ERBB4: variants seen among roughly 807,000 people sequenced by gnomAD.
The protein encoded by ERBB4 is erb-b2 receptor tyrosine kinase 4.
ERBB4 carries 42 observed loss-of-function variants against 158.0 expected under a neutral mutation model. The observed-to-expected ratio is 0.27, with a 90% CI of 0.21 to 0.34. The LOEUF (loss-of-function observed/expected upper bound fraction) is 0.34, where lower values mean the gene tolerates loss of function less well. Among genes scored for constraint, ERBB4 ranks in the 10% least tolerant of loss-of-function variants. The pLI is 1.00. For missense variants in ERBB4, 1,333 were observed against 1,624.1 expected, an observed-to-expected ratio of 0.82 and a Z score of 3.08; for synonymous variants, 583 against 558.7, an observed-to-expected ratio of 1.04 and a Z score of -0.61.
intron 1 of ERBB4, among the ~76,000 whole-genome samples, chr2:212,520,761 C>CA (rs2106313584): frequency 6.6e-6 from 1 of 151,956 alleles, no homozygotes; most frequent in East Asian, 1.9e-4. Context: ...GAGGTTGTTG[C>CA]AAAAAAGCAA....
intron 9 of ERBB4, among the ~76,000 whole-genome samples, chr2:211,706,287 C>G (rs531963002): frequency 6.6e-6 from 1 of 152,228 alleles, no homozygotes; most frequent in South Asian, 2.1e-4. Context: ...CTGTGGACAT[C>G]TCTTCTTTTA....
At chr2:212,002,107 C>T (rs2076119281) in intron 2 of ERBB4, among the ~76,000 whole-genome samples, 2 of 152,218 alleles carry the variant, frequency 1.3e-5, no homozygotes, top group South Asian at 4.1e-4. Flanking sequence ...AGACTGAGCT[C>T]AATGTTCACT....
intron 13 of ERBB4, among the ~76,000 whole-genome samples, chr2:211,677,422 G>A (rs1044006477): frequency 6.6e-6 from 1 of 151,844 alleles, no homozygotes; most frequent in Non-Finnish European, 1.5e-5. Context: ...AAATTAGCCC[G>A]GCATGGTGGC....
intron 2 of ERBB4, among the ~76,000 whole-genome samples, chr2:211,961,321 C>A (rs954932739): frequency 1.3e-5 from 2 of 152,098 alleles, no homozygotes; most frequent in African/African-American, 4.8e-5. Flanking sequence ...GGGTGGAGGG[C>A]AGATTTGTTA....
intron 1 of ERBB4, among the ~76,000 whole-genome samples, chr2:212,530,063 G>C (rs1692666001): frequency 6.6e-6 from 1 of 152,086 alleles, no homozygotes. Context: ...TCCATGAAAA[G>C]TTTCAGAATA....
chr2:212,523,872 A>G (rs1692306023), intron 1 of ERBB4, among the ~76,000 whole-genome samples: 1 of 151,864 alleles, frequency 6.6e-6, no homozygotes, highest in Admixed American at 6.6e-5. Context: ...GAACTCACTA[A>G]CTCCTGGGAC....
chr2:211,622,003 G>C (rs1442118647), intron 18 of ERBB4, among the ~76,000 whole-genome samples: 1 of 152,048 alleles, frequency 6.6e-6, no homozygotes, highest in Non-Finnish European at 1.5e-5. Flanking sequence ...TCAATCATTA[G>C]AATGGGAATT....
chr2:211,430,793 T>C (rs2063732612), intron 21 of ERBB4, 152 bp downstream of exon 21: 1 of 672,822 alleles, frequency 1.5e-6, no homozygotes, highest in African/African-American at 1.8e-5. Flanking sequence ...CACATATATA[T>C]ATACCCGGGG....
At chr2:212,032,287 A>T (rs2076921306) in intron 2 of ERBB4, among the ~76,000 whole-genome samples, 1 of 152,036 alleles carries the variant, frequency 6.6e-6, no homozygotes, top group African/African-American at 2.4e-5. Flanking sequence ...TTATAGTGCA[A>T]AACCTAGAAA....
intron 3 of ERBB4, among the ~76,000 whole-genome samples, chr2:211,900,974 G>C (rs1318116635): frequency 2.6e-5 from 4 of 152,162 alleles, no homozygotes; most frequent in Non-Finnish European, 4.4e-5. Context: ...TATGAATGGA[G>C]TGAGGCAAAA....
intron 19 of ERBB4, among the ~76,000 whole-genome samples, chr2:211,568,687 T>C (rs1480879550): frequency 1.3e-5 from 2 of 151,870 alleles, no homozygotes; most frequent in Admixed American, 6.5e-5. Context: ...AAAAGAGAGA[T>C]AGAGGAAAAG....
intron 19 of ERBB4, among the ~76,000 whole-genome samples, chr2:211,599,394 T>C (rs2068730988): frequency 1.3e-5 from 2 of 152,110 alleles, no homozygotes; most frequent in Non-Finnish European, 2.9e-5. Flanking sequence ...TTTTTACTTC[T>C]GCCTACAAAG....
chr2:211,871,316 T>C (rs866506565), intron 3 of ERBB4, among the ~76,000 whole-genome samples: 2 of 152,126 alleles, frequency 1.3e-5, no homozygotes, highest in African/African-American at 4.8e-5. Context: ...CTGGGCAACA[T>C]AGCAAAATCT....
chr2:212,467,619 C>T (rs1688903406), intron 1 of ERBB4, among the ~76,000 whole-genome samples: 1 of 152,210 alleles, frequency 6.6e-6, no homozygotes, highest in Non-Finnish European at 1.5e-5. Flanking sequence ...ATGGAAATGC[C>T]TGGATGCCCA....
Position 211,740,152 on chromosome 2 carries a change from A to C in ERBB4, c.622+10487T>G, listed in dbSNP as rs141594098. Among the ~76,000 whole-genome samples the C allele has an allele frequency of 5.1e-3, 777 of 152,372 alleles. 3 individuals are homozygous for C. Among genetic ancestry groups the C allele is most frequent in the African/African-American group, 0.018 (748 of 41,600 alleles). ...ACTCAAGAAATACTGAAATCAGAAC[A>C]AAACTTGTAGGTATTTCCGTGGTCA... On this transcript the variant is annotated intron_variant, in intron 5 of 27. Coordinates refer to ENST00000342788, the MANE Select transcript of ERBB4 (RefSeq NM_005235.3).
intron 1 of ERBB4, among the ~76,000 whole-genome samples, chr2:212,127,100 T>G (rs73071220): frequency 6.6e-6 from 1 of 152,194 alleles, no homozygotes; most frequent in Admixed American, 6.5e-5. Context: ...CTAATTCCCA[T>G]TACTTAGAAT....
chr2:212,112,962 T>A (rs1332867097), intron 2 of ERBB4, among the ~76,000 whole-genome samples: 1 of 152,202 alleles, frequency 6.6e-6, no homozygotes, highest in Non-Finnish European at 1.5e-5. Flanking sequence ...ACAATCTTCA[T>A]AAATTGACAA....
chr2:212,125,258 G>A, intron 1 of ERBB4: 20 of 191,774 alleles, frequency 1.0e-4, no homozygotes, highest in Middle Eastern at 2.3e-3. Flanking sequence ...TTTCTAATTG[G>A]GTAATTCTAC....
intron 2 of ERBB4, among the ~76,000 whole-genome samples, chr2:211,975,141 T>A (rs6435682): frequency 0.19 from 28,307 of 151,890 alleles, 2,907 homozygotes; most frequent in East Asian, 0.38. Flanking sequence ...CTAACATACC[T>A]GCCTAATTTT....
Sources: gnomAD v4.1 joint callset for allele counts (sites outside exome capture counted in the v4.1 genomes callset) on GRCh38, gnomAD v4.1.1 for gene constraint, MANE v1.5 for transcripts, NCBI Gene and HGNC (gene_info 2026-07-23, HGNC 2026-07-21) for gene names.